JADE3: variants seen among roughly 807,000 people sequenced by gnomAD.
JADE3 encodes the protein protein Jade-3.
JADE3 carries 2 observed loss-of-function variants against 50.1 expected under a neutral mutation model. The ratio of observed to expected loss-of-function variants is 0.04; its 90% CI spans 0.02 to 0.13. The LOEUF (loss-of-function observed/expected upper bound fraction) is 0.13, where lower values mean the gene tolerates loss of function less well. Among genes scored for constraint, JADE3 ranks in the 10% least tolerant of loss-of-function variants. The pLI is 1.00. For synonymous variants in JADE3, 218 were observed against 232.9 expected (o/e 0.94, Z 0.58); for missense variants, 475 against 634.4 (o/e 0.75, Z 2.70).
rs997838108 is a variant in JADE3, at chrX:47,037,916, C to T, written c.856-1033C>T. On this transcript the variant is annotated intron_variant, in intron 7 of 10. Coordinates refer to ENST00000614628, the MANE Select transcript of JADE3 (RefSeq NM_014735.5). ...TATCCTTTTTGTACCCATTAATTAT[C>T]GTCACCCTCCTCCTGCCCTGTTCCC... is the stretch of plus-strand genomic sequence containing the variant. Among the ~76,000 whole-genome samples the T allele has an allele frequency of 1.9e-4, 21 of 111,296 alleles. No homozygotes were observed. The Admixed American group carries it at 2.0e-3, about 11-fold the overall frequency.
intron 1 of JADE3, among the ~76,000 whole-genome samples, chrX:46,971,669 G>A (rs972712587): frequency 2.9e-4 from 31 of 107,406 alleles, no homozygotes; most frequent in African/African-American, 1.7e-4. Context: ...GGTGGCGGGC[G>A]CCTGTAGTCC....
chrX:46,984,858 T>C, intron 1 of JADE3, 26 bp from the exon 2 acceptor site: 1 of 1,170,972 alleles, frequency 8.5e-7, no homozygotes, highest in Non-Finnish European at 1.2e-6. Flanking sequence ...GTGAACTGTT[T>C]TATTCAGTGT....
Position 46,963,459 on chromosome X carries a change from C to G in JADE3, c.-11-21425C>G, listed in dbSNP as rs782283211. On this transcript the variant is annotated intron_variant, in intron 1 of 10. Transcript: ENST00000614628. ...CCACTCTACAGTTAATCATTAAAAG[C>G]TGTGTTTCAAATTCTGTCAGTTAAC... Among the ~76,000 whole-genome samples, 4 of 112,299 alleles carry G rather than the reference C, an allele frequency of 3.6e-5. No individual in the cohort carries two copies. The East Asian group carries it at 1.1e-3, about 31-fold the overall frequency.
Position 46,935,826 on chromosome X carries a change from C to CTTTT in JADE3, c.-12+23126_-12+23129dup, listed in dbSNP as rs142025908. 7.5e-4 allele frequency among the ~76,000 whole-genome samples: 47 copies of CTTTT among 62,716 alleles called. 1 individual carries two copies. Among genetic ancestry groups the CTTTT allele is most frequent in the African/African-American group, 1.9e-3 (28 of 15,130 alleles). The allele number at this position is 62,716 out of a possible 115,157, so 54.5% of individuals were successfully genotyped here. A position where few individuals can be genotyped will look rare whatever the true frequency, so the allele number is the denominator to read the frequency against. On this transcript the variant is annotated intron_variant, in intron 1 of 10. Coordinates refer to ENST00000614628, the MANE Select transcript of JADE3 (RefSeq NM_014735.5). ...TCTTGTTTCAACTTTAAGTCTTTCA[C>CTTTT]TTTTTTTTTTTTTTTTTTTTTTGAG...
chrX:46,986,915 A>T (rs1216933564), intron 3 of JADE3, among the ~76,000 whole-genome samples: 1 of 112,667 alleles, frequency 8.9e-6, no homozygotes, highest in Admixed American at 9.4e-5. Flanking sequence ...TATATTAGTT[A>T]TGTATTGCTA....
intron 1 of JADE3, among the ~76,000 whole-genome samples, chrX:46,983,321 T>C (rs924879034): frequency 6.3e-5 from 7 of 111,115 alleles, no homozygotes; most frequent in African/African-American, 2.3e-4. Flanking sequence ...TGAGCTTCCC[T>C]CTGAGTGTCA....
intron 8 of JADE3, among the ~76,000 whole-genome samples, chrX:47,041,144 T>C (rs192857743): frequency 6.5e-4 from 72 of 111,407 alleles, no homozygotes; most frequent in Non-Finnish European, 1.1e-3. Context: ...AGGGCCAAGA[T>C]TGTGCATCAT....
chrX:46,932,031 T>C (rs1306306119), intron 1 of JADE3, among the ~76,000 whole-genome samples: 3 of 112,336 alleles, frequency 2.7e-5, no homozygotes, highest in Non-Finnish European at 5.6e-5. Flanking sequence ...TGTTTTGAAA[T>C]GCCTGTGTAA....
intron 1 of JADE3, among the ~76,000 whole-genome samples, chrX:46,933,116 A>G: frequency 8.9e-6 from 1 of 111,995 alleles, no homozygotes; most frequent in Non-Finnish European, 1.9e-5. Context: ...ATACTACTGA[A>G]CAGCATAATC....
chrX:46,974,111 G>T (rs1156405572), intron 1 of JADE3, among the ~76,000 whole-genome samples: 6 of 105,252 alleles, frequency 5.7e-5, no homozygotes, highest in Non-Finnish European at 1.2e-4. Context: ...ACAAAACAAA[G>T]AAATAGTTTG....
At chrX:46,991,841 T>C (rs782599848) in intron 3 of JADE3, among the ~76,000 whole-genome samples, 1 of 111,604 alleles carries the variant, frequency 9.0e-6, no homozygotes, top group Admixed American at 9.5e-5. Flanking sequence ...GCCAGTGTTA[T>C]TATCCCTGGA....
chrX:46,979,625 A>G (rs1273986743), intron 1 of JADE3, among the ~76,000 whole-genome samples: 1 of 111,581 alleles, frequency 9.0e-6, no homozygotes, highest in Non-Finnish European at 1.9e-5. Context: ...TAAAGAAATG[A>G]CCGAAATATT....
At chrX:46,982,212 C>G (rs894748293) in intron 1 of JADE3, among the ~76,000 whole-genome samples, 3 of 110,965 alleles carry the variant, frequency 2.7e-5, no homozygotes, top group African/African-American at 9.8e-5. Flanking sequence ...ACTTCAAGTT[C>G]ATTAATTCTT....
chrX:47,047,351 A>T (rs1471267757), intron 8 of JADE3, among the ~76,000 whole-genome samples: 1 of 111,437 alleles, frequency 9.0e-6, no homozygotes, highest in Non-Finnish European at 1.9e-5. Flanking sequence ...GTTCAAGACC[A>T]GCCTGACCAA....
At chrX:46,948,822 G>A (rs936167199) in intron 1 of JADE3, among the ~76,000 whole-genome samples, 4 of 111,797 alleles carry the variant, frequency 3.6e-5, no homozygotes, top group African/African-American at 6.5e-5. Flanking sequence ...TTCTTCTACC[G>A]CAGGGGTTAC....
intron 1 of JADE3, among the ~76,000 whole-genome samples, chrX:46,942,439 C>T (rs1926782000): frequency 8.9e-6 from 1 of 112,047 alleles, no homozygotes; most frequent in South Asian, 3.7e-4. Flanking sequence ...AGCTAATTAT[C>T]CCAGCACCAT....
In JADE3 at chrX:46,957,795, C is replaced by T. The variant is rs377455015; in HGVS notation, c.-11-27089C>T. 6.6e-4 allele frequency among the ~76,000 whole-genome samples: 74 copies of T among 112,313 alleles called. No homozygotes were observed. In the South Asian group the frequency reaches 0.025, roughly 38 times the overall value. On this transcript the variant is annotated intron_variant, in intron 1 of 10. Transcript: ENST00000614628. ...AGACCCACTTCATTGTTTTTAACTG[C>T]TGCAAAGTATTCCAGAGTATGAATG...
intron 1 of JADE3, among the ~76,000 whole-genome samples, chrX:46,958,035 C>T (rs1359767604): frequency 8.9e-6 from 1 of 111,816 alleles, no homozygotes; most frequent in Non-Finnish European, 1.9e-5. Context: ...ATCTCTCACC[C>T]TTTCAATGGT....
In JADE3 at chrX:47,059,027, C is replaced by A. The variant is rs1556374297; in HGVS notation, c.2422C>A (p.His808Asn). 1 of 1,207,051 alleles carries A rather than the reference C, an allele frequency of 8.3e-7. No homozygotes were observed. The change falls in exon 11 of 11, where the codon CAT (histidine) becomes AAT (asparagine). Residue 808 changes from histidine (H) to asparagine (N), a missense_variant. By Grantham distance (68) the His-to-Asn change is moderately conservative (BLOSUM62 1). This residue lies in a region of JADE3 where 243 missense variants were observed against 238.2 expected (regional missense o/e 1.02). Coordinates refer to ENST00000614628, the MANE Select transcript of JADE3 (RefSeq NM_014735.5). ...NPPHDSRRDC[H>N]GKSKTHPLSH... ...TCCCCATGACTCTAGACGGGATTGC[C>A]ATGGTAAAAGCAAGACACATCCCCT...
Sources: allele counts gnomAD v4.1 joint callset (sites outside exome capture counted in the v4.1 genomes callset), GRCh38; gene constraint gnomAD v4.1.1; regional missense constraint gnomAD v4.1.1; transcripts MANE v1.5; gene names NCBI Gene and HGNC (gene_info 2026-07-23, HGNC 2026-07-21).